Variants in PTPRD observed in about 807,000 individuals in gnomAD.
The protein encoded by PTPRD is protein tyrosine phosphatase receptor type D, also known as receptor-type tyrosine-protein phosphatase delta.
A neutral mutation model predicts 214.5 loss-of-function variants in PTPRD; 34 were observed. That is an observed-to-expected ratio of 0.16 (90% CI 0.12 to 0.21). The LOEUF (loss-of-function observed/expected upper bound fraction) is 0.21. Ranked by LOEUF, PTPRD falls within the 10% of genes least tolerant of loss-of-function variation. The pLI is 1.00. For synonymous variants in PTPRD, 1,128 were observed against 845.7 expected (o/e 1.33, Z -5.79); for missense variants, 2,545 against 2,398.7 (o/e 1.06, Z -1.27).
intron 8 of PTPRD, among the ~76,000 whole-genome samples, chr9:9,472,943 C>T (rs1226939653): frequency 6.6e-6 from 1 of 152,146 alleles, no homozygotes; most frequent in Non-Finnish European, 1.5e-5. Flanking sequence ...AGCATATCCA[C>T]ACCTCATATA....
intron 2 of PTPRD, among the ~76,000 whole-genome samples, chr9:10,383,143 A>C (rs1469404401): frequency 6.6e-6 from 1 of 151,884 alleles, no homozygotes. Context: ...TTTTACCTTA[A>C]AATGATAGAA....
chr9:8,828,143 G>T (rs922304684), intron 11 of PTPRD, among the ~76,000 whole-genome samples: 4 of 152,184 alleles, frequency 2.6e-5, no homozygotes, highest in African/African-American at 7.2e-5. Flanking sequence ...GATGGAAAGA[G>T]AATCATTTCT....
At chr9:10,507,202 T>G (rs187749747) in intron 2 of PTPRD, among the ~76,000 whole-genome samples, 1 of 152,218 alleles carries the variant, frequency 6.6e-6, no homozygotes, top group Admixed American at 6.5e-5. Context: ...TCACGATTGC[T>G]TCAAAGAGAA....
At chr9:9,250,759 C>T (rs2099975142) in intron 9 of PTPRD, among the ~76,000 whole-genome samples, 1 of 151,796 alleles carries the variant, frequency 6.6e-6, no homozygotes, top group African/African-American at 2.4e-5. Context: ...AAAACCAAAA[C>T]CAAAAAAGAA....
chr9:8,792,552 G>C (rs1469424811), intron 11 of PTPRD, among the ~76,000 whole-genome samples: 1 of 152,068 alleles, frequency 6.6e-6, no homozygotes, highest in Non-Finnish European at 1.5e-5. Flanking sequence ...TCTAGCTTTT[G>C]GACTACTGAC....
intron 12 of PTPRD, among the ~76,000 whole-genome samples, chr9:8,711,063 C>G (rs920139560): frequency 3.9e-5 from 6 of 151,946 alleles, no homozygotes; most frequent in African/African-American, 1.5e-4. Flanking sequence ...TCCAAAATGT[C>G]CAATTTATAG....
chr9:8,990,630 C>T lies in PTPRD; in HGVS notation c.-104+28067G>A, dbSNP rs560330085. 1.5e-3 allele frequency among the ~76,000 whole-genome samples: 235 copies of T among 152,268 alleles called. 1 individual carries two copies. The highest frequency in any genetic ancestry group is 6.8e-3 in the Middle Eastern group (2 of 294). ...AAACTAGAACTCCTTTTCCCCAAAG[C>T]CAGCCAAAAAAACTAAAAATATTAT... is the stretch of plus-strand genomic sequence containing the variant. On this transcript the variant is annotated intron_variant, in intron 11 of 45. Transcript: ENST00000381196.
At chr9:10,542,515 ATTAC>A (rs1053629836) in intron 2 of PTPRD, among the ~76,000 whole-genome samples, 1 of 152,106 alleles carries the variant, frequency 6.6e-6, no homozygotes, top group African/African-American at 2.4e-5. Flanking sequence ...ATCTGATAAA[ATTAC>A]TTAAATACCT....
At chr9:8,796,842 A>C (rs564958658) in intron 11 of PTPRD, among the ~76,000 whole-genome samples, 72 of 152,258 alleles carry the variant, frequency 4.7e-4, no homozygotes, top group African/African-American at 1.5e-3. Flanking sequence ...TGGTAAACTC[A>C]AACATCGCCT....
At chr9:9,036,796 T>C (rs620814) in intron 10 of PTPRD, among the ~76,000 whole-genome samples, 145,766 of 152,182 alleles carry the variant, frequency 0.96, 70,143 homozygotes, top group Middle Eastern at 1. Context: ...CTGATACATA[T>C]ATATCCCACC....
Position 8,459,204 on chromosome 9 carries a change from AAG to A in PTPRD, c.3875+1205_3875+1206del, listed in dbSNP as rs200340334. ...AAAAGGGAGCTAGATGGGTAGGAAA[AAG>A]AGTGAATGGAAATGAGATTATTAGA... On this transcript the variant is annotated intron_variant, in intron 33 of 45. Transcript: ENST00000381196. Among the ~76,000 whole-genome samples the A allele has an allele frequency of 7.7e-3, 1,168 of 152,180 alleles. 16 individuals are homozygous for A. The highest frequency in any genetic ancestry group is 0.026 in the African/African-American group (1,090 of 41,548).
rs75566591 is a variant in PTPRD, at chr9:9,133,878, C to A, written c.-143+49426G>T. Among the ~76,000 whole-genome samples the A allele has an allele frequency of 6.0e-3, 919 of 152,172 alleles. 11 individuals carry two copies. The highest frequency in any genetic ancestry group is 0.021 in the African/African-American group (877 of 41,524). On this transcript the variant is annotated intron_variant, in intron 10 of 45. Transcript: ENST00000381196. ...ACACAGTCCCAATTTACCCAGACCA[C>A]AACAGCACTGAAAGGGAACTGGGTA...
At chr9:10,414,114 T>C (rs2098464112) in intron 2 of PTPRD, among the ~76,000 whole-genome samples, 2 of 152,056 alleles carry the variant, frequency 1.3e-5, no homozygotes, top group African/African-American at 2.4e-5. Flanking sequence ...TGGGATCTAA[T>C]TAAACTTAAG....
chr9:10,494,044 C>T (rs559590942), intron 2 of PTPRD, among the ~76,000 whole-genome samples: 27 of 151,994 alleles, frequency 1.8e-4, no homozygotes, highest in African/African-American at 4.6e-4. Flanking sequence ...GTAATTAACA[C>T]GCTGGGATTT....
intron 9 of PTPRD, among the ~76,000 whole-genome samples, chr9:9,295,759 C>A: frequency 6.6e-6 from 1 of 151,790 alleles, no homozygotes; most frequent in East Asian, 1.9e-4. Context: ...TATTTCTTTA[C>A]AACCAGGGTG....
At chr9:10,575,493 A>AT (rs1265062758) in intron 2 of PTPRD, among the ~76,000 whole-genome samples, 1 of 152,160 alleles carries the variant, frequency 6.6e-6, no homozygotes, top group Non-Finnish European at 1.5e-5. Context: ...TTTATGATCT[A>AT]GAAATTAACT....
chr9:10,485,623 T>C (rs917226846), intron 2 of PTPRD, among the ~76,000 whole-genome samples: 7 of 152,102 alleles, frequency 4.6e-5, no homozygotes, highest in African/African-American at 1.2e-4. Flanking sequence ...TTTGTGGTTA[T>C]TGTCAATGAA....
At chr9:8,439,217 T>A (rs1215125497) in intron 34 of PTPRD, among the ~76,000 whole-genome samples, 1 of 152,176 alleles carries the variant, frequency 6.6e-6, no homozygotes, top group Non-Finnish European at 1.5e-5. Context: ...ATACTGGACA[T>A]GGGTTCTACT....
At chr9:9,378,315 G>A (rs1362172573) in intron 9 of PTPRD, among the ~76,000 whole-genome samples, 6 of 151,790 alleles carry the variant, frequency 4.0e-5, no homozygotes, top group East Asian at 1.9e-4. Flanking sequence ...TTTCACTTAC[G>A]AATACACATT....
Sources: allele counts gnomAD v4.1 joint callset (sites outside exome capture counted in the v4.1 genomes callset), GRCh38; gene constraint gnomAD v4.1.1; transcripts MANE v1.5; gene names NCBI Gene and HGNC (gene_info 2026-07-23, HGNC 2026-07-21).